The following MOB3B variants were observed in gnomAD, a reference collection of about 807,000 sequenced individuals.
The protein encoded by MOB3B is MOB kinase activator-like 2B.
Under a neutral mutation model 18.7 loss-of-function variants are expected in MOB3B, and 7 were observed. That is an observed-to-expected ratio of 0.37 (90% confidence interval 0.21 to 0.70). The LOEUF is 0.70. Among genes scored for constraint, MOB3B ranks in the 30% least tolerant of loss-of-function variants. The probability of loss-of-function intolerance (pLI) is 0.52; values close to 1 mark genes in which losing one functional copy is unlikely to be tolerated. For missense variants in MOB3B, 253 were observed against 281.3 expected, an observed-to-expected ratio of 0.90 and a Z score of 0.72; for synonymous variants, 111 against 99.9, an observed-to-expected ratio of 1.11 and a Z score of -0.66.
At chr9:27,521,049 G>A (rs946188789) in intron 1 of MOB3B, among the ~76,000 whole-genome samples, 2 of 152,048 alleles carry the variant, frequency 1.3e-5, no homozygotes, top group Admixed American at 6.6e-5. Context: ...ATCTATTAAC[G>A]TTTACAGAAC....
At chr9:27,514,212 G>T (rs1820193873) in intron 1 of MOB3B, among the ~76,000 whole-genome samples, 1 of 152,038 alleles carries the variant, frequency 6.6e-6, no homozygotes, top group African/African-American at 2.4e-5. Flanking sequence ...CAAGAGGATA[G>T]CCCAGTATTT....
intron 2 of MOB3B, among the ~76,000 whole-genome samples, chr9:27,380,107 T>C (rs1186839950): frequency 6.6e-6 from 1 of 152,104 alleles, no homozygotes; most frequent in Admixed American, 6.5e-5. Flanking sequence ...ATCTTGCAAG[T>C]TGTGTCTAAA....
At chr9:27,481,975 G>GA (rs1819665126) in intron 1 of MOB3B, among the ~76,000 whole-genome samples, 1 of 151,168 alleles carries the variant, frequency 6.6e-6, no homozygotes, top group South Asian at 2.1e-4. Context: ...AGCAAACACT[G>GA]AAAAAAGGAA....
intron 1 of MOB3B, among the ~76,000 whole-genome samples, chr9:27,505,956 A>G (rs1820052358): frequency 6.6e-6 from 1 of 152,244 alleles, no homozygotes. Flanking sequence ...AATTACACGC[A>G]TGGGCTTTTA....
chr9:27,413,108 C>T (rs1052402460), intron 2 of MOB3B, among the ~76,000 whole-genome samples: 6 of 152,148 alleles, frequency 3.9e-5, no homozygotes, highest in Non-Finnish European at 5.9e-5. Flanking sequence ...CCAGGCAGGG[C>T]CCAAAATAGC....
At chr9:27,519,526 T>C (rs1820292713) in intron 1 of MOB3B, among the ~76,000 whole-genome samples, 2 of 152,184 alleles carry the variant, frequency 1.3e-5, no homozygotes, top group South Asian at 2.1e-4. Flanking sequence ...CTATTCCCTA[T>C]GAGCATTTAA....
At chr9:27,527,038 T>C (rs1043448622) in intron 1 of MOB3B, among the ~76,000 whole-genome samples, 1 of 140,650 alleles carries the variant, frequency 7.1e-6, no homozygotes, top group African/African-American at 2.7e-5. Flanking sequence ...AATAGGTTTA[T>C]GATATCTCCC....
At chr9:27,411,738 T>C (rs1470107557) in intron 2 of MOB3B, among the ~76,000 whole-genome samples, 3 of 152,212 alleles carry the variant, frequency 2.0e-5, no homozygotes, top group Non-Finnish European at 4.4e-5. Context: ...TAATTCTGAA[T>C]GATACCGTTT....
chr9:27,444,481 G>C (rs1286790081), intron 2 of MOB3B, among the ~76,000 whole-genome samples: 1 of 152,016 alleles, frequency 6.6e-6, no homozygotes, highest in Non-Finnish European at 1.5e-5. Flanking sequence ...ACTTTAAATA[G>C]GTACATATAT....
At chr9:27,528,945 C>T (rs1820484706) in intron 1 of MOB3B, among the ~76,000 whole-genome samples, 2 of 152,146 alleles carry the variant, frequency 1.3e-5, no homozygotes, top group African/African-American at 4.8e-5. Flanking sequence ...GCTGGGATTC[C>T]AGATGTTTGA....
At chr9:27,417,186 A>G (rs1261340836) in intron 2 of MOB3B, among the ~76,000 whole-genome samples, 1 of 151,994 alleles carries the variant, frequency 6.6e-6, no homozygotes, top group Non-Finnish European at 1.5e-5. Flanking sequence ...ACACCGTGAA[A>G]CCCCGTCTCT....
At chr9:27,526,111 C>T (rs1009341500) in intron 1 of MOB3B, 3 of 152,202 alleles carry the variant, frequency 2.0e-5, no homozygotes, top group African/African-American at 7.2e-5. Context: ...CCTTGGAAGC[C>T]ATTTCCTGCT....
chr9:27,524,683 T>C lies in MOB3B; in HGVS notation c.-199+4872A>G, dbSNP rs556380931. 2.7e-5 allele frequency: 43 copies of C among 1,613,956 alleles called. No homozygotes were observed. The highest frequency in any genetic ancestry group is 1.0e-4 in the Admixed American group (6 of 59,998). On this transcript the variant is annotated intron_variant, in intron 1 of 3. Transcript: ENST00000262244. The stretch of plus-strand genomic sequence containing the variant: ...GAGAGACACCTCAAACAAATCCAAA[T>C]AGGACTTGATCAGCAAGCAGAGTAC...
chr9:27,365,407 G>A, intron 2 of MOB3B, among the ~76,000 whole-genome samples: 1 of 126,374 alleles, frequency 7.9e-6, no homozygotes. Flanking sequence ...TTAATTTTCA[G>A]TCACTGTACT....
rs565314060 is a variant in MOB3B at position 27,343,218 on chromosome 9, G to A, written c.622-12602C>T. On this transcript the variant is annotated intron_variant, in intron 3 of 3. Coordinates refer to ENST00000262244, the MANE Select transcript of MOB3B (RefSeq NM_024761.5). ...TGAAACATGTGCTGTGTCCACTCAG[G>A]GTTAAATGGATTAAGGGTGGTGCAA... 8.6e-5 allele frequency among the ~76,000 whole-genome samples: 13 copies of A among 151,404 alleles called. No individual in the cohort carries two copies. The South Asian group carries it at 2.7e-3, about 32-fold the overall frequency.
chr9:27,454,496 C>G (rs973946291), intron 2 of MOB3B, among the ~76,000 whole-genome samples: 4 of 152,214 alleles, frequency 2.6e-5, no homozygotes, highest in African/African-American at 9.6e-5. Context: ...ATGTAAGAGG[C>G]AGAGAAGACT....
At chr9:27,522,165 C>T (rs1481555307) in intron 1 of MOB3B, among the ~76,000 whole-genome samples, 1 of 144,076 alleles carries the variant, frequency 6.9e-6, no homozygotes, top group Admixed American at 7.5e-5. Context: ...TCGCTTGAAC[C>T]CGGGAGGCGG....
chr9:27,403,138 C>G (rs970547525), intron 2 of MOB3B, among the ~76,000 whole-genome samples: 1 of 152,076 alleles, frequency 6.6e-6, no homozygotes, highest in South Asian at 2.1e-4. Context: ...AGGAAAGATC[C>G]TGGGCTGGAT....
At chr9:27,398,514 A>AGG (rs1821832958) in intron 2 of MOB3B, among the ~76,000 whole-genome samples, 1 of 152,236 alleles carries the variant, frequency 6.6e-6, no homozygotes, top group African/African-American at 2.4e-5. Context: ...AATACAGAGC[A>AGG]GGTGTGCACA....
Sources: gnomAD v4.1 joint callset for allele counts (sites outside exome capture counted in the v4.1 genomes callset) on GRCh38, gnomAD v4.1.1 for gene constraint, MANE v1.5 for transcripts, NCBI Gene and HGNC (gene_info 2026-07-23, HGNC 2026-07-21) for gene names.